The following BSN variants were observed in gnomAD, a reference collection of about 807,000 sequenced individuals.
The protein encoded by BSN is bassoon presynaptic cytomatrix protein.
A neutral mutation model predicts 264.8 loss-of-function variants in BSN; 57 were observed. The observed-to-expected ratio is 0.22, with a 90% confidence interval of 0.17 to 0.27. The LOEUF (loss-of-function observed/expected upper bound fraction) is 0.27. BSN is among the 10% of genes least tolerant of loss of function. The pLI is 1.00. For synonymous variants in BSN, 2,059 were observed against 2,137.3 expected (o/e 0.96, Z 1.01); for missense variants, 4,615 against 5,232.5 (o/e 0.88, Z 3.64).
In BSN at chr3:49,654,408, G is replaced by A. The variant is rs565756164; in HGVS notation, c.4852G>A (p.Val1618Met). The A allele has an allele frequency of 5.6e-6, 9 of 1,600,684 alleles. No homozygotes were observed. The highest frequency in any genetic ancestry group is 1.7e-4 in the Middle Eastern group (1 of 5,958). The change falls in exon 5 of 12, where the codon GTG becomes ATG. Residue 1618 changes from valine to methionine, a missense_variant. Coordinates refer to ENST00000296452, the MANE Select transcript of BSN (RefSeq NM_003458.4). This position sits in a 1 kb window ranked among gnomAD's most constrained non-coding sequence, Gnocchi z 4.1. ...EPPGPPGFPRVPSAGADGPLA... is the reference protein window; with the variant it reads ...EPPGPPGFPRMPSAGADGPLA... ...ACCTGGGCCACCTGGCTTTCCACGG[G>A]TGCCCAGTGCTGGTGCAGATGGGCC...
chr3:49,600,654 ATT>A (rs2052066824), intron 1 of BSN, among the ~76,000 whole-genome samples: 1 of 77,276 alleles, frequency 1.3e-5, no homozygotes. Context: ...AATAAAAAAA[ATT>A]AGTCGGTTGT....
downstream of BSN, among the ~76,000 whole-genome samples, chr3:49,672,679 C>T (rs1162744394): frequency 6.6e-6 from 1 of 151,130 alleles, no homozygotes; most frequent in African/African-American, 2.4e-5. Context: ...CAGGGTTTCT[C>T]CATGTTGGCC....
intron 1 of BSN, among the ~76,000 whole-genome samples, chr3:49,612,857 G>C (rs1315204402): frequency 6.6e-6 from 1 of 152,226 alleles, no homozygotes; most frequent in Admixed American, 6.5e-5. Flanking sequence ...CAGGGGCCAG[G>C]CATGGTGGCT....
Position 49,652,752 on chromosome 3 carries a change from C to G in BSN, c.3196C>G (p.Arg1066Gly). 6.4e-7 allele frequency: 1 copy of G among 1,555,794 alleles called. No homozygotes were observed. The highest frequency in any genetic ancestry group is 8.7e-7 in the Non-Finnish European group (1 of 1,151,646). The change falls in exon 5 of 12, where the codon CGC (arginine) becomes GGC (glycine). Residue 1066 changes from arginine to glycine, a missense_variant. Around this residue, in one of 3 missense-constraint regions of BSN, gnomAD observed 3,415 missense variants for 3,866.4 expected, o/e 0.88. Coordinates refer to ENST00000296452, the MANE Select transcript of BSN (RefSeq NM_003458.4). Reference sequence around the variant, plus strand: ...GAAGATGCGGGAGGTGGAGCAGCAGCGCATCCGCAGCACGGCCCGCAAGAC... The same window carrying G: ...GAAGATGCGGGAGGTGGAGCAGCAGGGCATCCGCAGCACGGCCCGCAAGAC... The part of the protein sequence containing the change: ...QEKMREVEQQ[R>G]IRSTARKTRR...
Position 49,653,186 on chromosome 3 carries a change from A to G in BSN, c.3630A>G (p.Gly1210=), listed in dbSNP as rs1477957162. 2.5e-6 allele frequency: 4 copies of G among 1,610,620 alleles called. No individual in the cohort carries two copies. The East Asian group carries it at 6.7e-5, about 27-fold the overall frequency. Residue 1210 remains glycine, a synonymous_variant, in exon 5 of 12, where the codon GGA becomes GGG. Transcript: ENST00000296452. The surrounding 1 kb of genome is among the most constrained non-coding windows in gnomAD (Gnocchi z 6.3). The part of the protein sequence containing the change: ...RQQGQAAGAR[G]PHGGPSQPTG... ...AAGGCCAGGCAGCAGGGGCCCGGGGACCCCATGGCGGCCCCTCTCAGCCCA... is the reference window on the plus strand; with the variant it reads ...AAGGCCAGGCAGCAGGGGCCCGGGGGCCCCATGGCGGCCCCTCTCAGCCCA...
Position 49,642,455 on chromosome 3 carries a change from C to T in BSN, c.821C>T (p.Pro274Leu). Residue 274 changes from proline to leucine, a missense_variant, in exon 3 of 12, where the codon CCT becomes CTT. Pro to Leu is a moderately conservative substitution (Grantham distance 98). Around this residue, in one of 3 missense-constraint regions of BSN, gnomAD observed 1,197 missense variants for 1,348.0 expected, o/e 0.89. Coordinates refer to ENST00000296452, the MANE Select transcript of BSN (RefSeq NM_003458.4). The surrounding 1 kb of genome is among the most constrained non-coding windows in gnomAD (Gnocchi z 7.0). ...ERSRGPGGPQPGSRQAETARA... is the reference protein window; with the variant it reads ...ERSRGPGGPQLGSRQAETARA... ...TCTCGGGGCCCAGGAGGACCACAGC[C>T]TGGGTCCCGCCAGGCTGAGACAGCC... The T allele has an allele frequency of 6.3e-7, 1 of 1,590,728 alleles. No individual in the cohort carries two copies. The highest frequency in any genetic ancestry group is 2.3e-5 in the East Asian group (1 of 44,224).
chr3:49,563,174 C>G (rs933604226), intron 1 of BSN, among the ~76,000 whole-genome samples: 1 of 152,184 alleles, frequency 6.6e-6, no homozygotes, highest in Admixed American at 6.5e-5. Flanking sequence ...TCAGAATGGA[C>G]AAGATGACTG....
Position 49,554,510 on chromosome 3 carries a change from G to A in BSN, c.-93G>A. The stretch of plus-strand genomic sequence containing the variant: ...GCGCGAGCCGAGCTGGGAGATGGCG[G>A]CGGCAGCGGCGGCGCCGAGAGTGTG... On this transcript the variant is annotated 5_prime_UTR_variant, in exon 1 of 12. Transcript: ENST00000296452. 2 of 343,274 alleles carry A rather than the reference G, an allele frequency of 5.8e-6. No individual in the cohort carries two copies. Among genetic ancestry groups the A allele is most frequent in the Non-Finnish European group, 8.2e-6 (2 of 243,346 alleles). 21.3% of individuals were successfully genotyped at this position (343,274 alleles called of 1,614,324 possible).
intron 2 of BSN, among the ~76,000 whole-genome samples, chr3:49,629,073 G>A (rs2108061134): frequency 6.6e-6 from 1 of 152,278 alleles, no homozygotes; most frequent in East Asian, 1.9e-4. Context: ...TGATGCCAGG[G>A]GGCCAGAGGT....
chr3:49,642,456 T>G lies in BSN; in HGVS notation c.822T>G (p.Pro274=). 2 of 1,590,612 alleles carry G rather than the reference T, an allele frequency of 1.3e-6. No individual in the cohort carries two copies. Among genetic ancestry groups the G allele is most frequent in the Non-Finnish European group, 1.7e-6 (2 of 1,169,714 alleles). Residue 274 remains proline (P), a synonymous_variant, in exon 3 of 12, where the codon CCT becomes CCG. Transcript: ENST00000296452. This position sits in a 1 kb window ranked among gnomAD's most constrained non-coding sequence, Gnocchi z 7.0. ...CTCGGGGCCCAGGAGGACCACAGCC[T>G]GGGTCCCGCCAGGCTGAGACAGCCA... is the stretch of plus-strand genomic sequence containing the variant. ...ERSRGPGGPQ[P]GSRQAETARA...
chr3:49,611,717 G>A (rs2052207899), intron 1 of BSN, among the ~76,000 whole-genome samples: 1 of 152,344 alleles, frequency 6.6e-6, no homozygotes, highest in African/African-American at 2.4e-5. Flanking sequence ...CTGTAGACTG[G>A]AAAGGCCAGG....
intron 1 of BSN, among the ~76,000 whole-genome samples, chr3:49,561,085 T>C (rs2051708011): frequency 6.6e-6 from 1 of 152,174 alleles, no homozygotes; most frequent in East Asian, 1.9e-4. Flanking sequence ...CCCTACTTCT[T>C]TCTAACAAGA....
At position 49,650,980 on chromosome 3, in the gene BSN, C is replaced by T. The variant is rs1374159111; in HGVS notation, c.1887C>T (p.Thr629=). 1.9e-6 allele frequency: 3 copies of T among 1,614,168 alleles called. No individual in the cohort carries two copies. The highest frequency in any genetic ancestry group is 1.7e-6 in the Non-Finnish European group (2 of 1,180,030). ...AGCCACCTCCAGAGACTACCCCAAC[C>T]CCTGCGACTCCTAAAGTAAAGAGTG... ...MPKPPPETTP[T]PATPKVKSGV... Residue 629 remains threonine (T), a synonymous_variant, in exon 4 of 12, where the codon ACC becomes ACT. Transcript: ENST00000296452.
At chr3:49,630,355 C>T (rs563234831) in intron 2 of BSN, among the ~76,000 whole-genome samples, 1 of 152,314 alleles carries the variant, frequency 6.6e-6, no homozygotes, top group East Asian at 1.9e-4. Flanking sequence ...CTTCAGGAGG[C>T]CTTTCTCCCA....
At chr3:49,659,124 AG>A (rs2052633538) in intron 5 of BSN, among the ~76,000 whole-genome samples, 1 of 152,190 alleles carries the variant, frequency 6.6e-6, no homozygotes, top group Non-Finnish European at 1.5e-5. Context: ...GCCCATTTTC[AG>A]GGTGTGACAC....
intron 1 of BSN, among the ~76,000 whole-genome samples, chr3:49,582,619 T>A (rs542428639): frequency 6.6e-6 from 1 of 152,350 alleles, no homozygotes; most frequent in Non-Finnish European, 1.5e-5. Flanking sequence ...CCAATTTGGA[T>A]GTCCTTTATT....
chr3:49,662,281 C>T lies in BSN; in HGVS notation c.10436C>T (p.Ala3479Val), dbSNP rs201323732. ...GAGGCTGTGGAGCGACTTCAAAAAG[C>T]GGGCCCCAAGCCCTCATCCCTAAGT... is the stretch of plus-strand genomic sequence containing the variant. ...EREAVERLQKAGPKPSSLSMA... is the reference protein window; with the variant it reads ...EREAVERLQKVGPKPSSLSMA... The change falls in exon 6 of 12, where the codon GCG becomes GTG. Residue 3479 changes from alanine to valine, a missense_variant. Physicochemically the swap from Ala to Val is moderately conservative, Grantham distance 64. Coordinates refer to ENST00000296452, the MANE Select transcript of BSN (RefSeq NM_003458.4). The T allele has an allele frequency of 5.0e-5, 80 of 1,613,794 alleles. No homozygotes were observed. Among genetic ancestry groups the T allele is most frequent in the South Asian group, 2.4e-4 (22 of 91,086 alleles).
Position 49,654,073 on chromosome 3 carries a change from C to T in BSN, c.4517C>T (p.Thr1506Ile). Reference protein sequence around the residue: ...MGPRATAEFSTQTPSPAPASD... With the variant: ...MGPRATAEFSIQTPSPAPASD... ...CCAAGGGCCACAGCAGAGTTCTCTA[C>T]ACAGACGCCAAGTCCAGCCCCTGCC... is the stretch of plus-strand genomic sequence containing the variant. The change falls in exon 5 of 12, where the codon ACA becomes ATA. Residue 1506 changes from threonine (T) to isoleucine (I), a missense_variant. Physicochemically the swap from Thr to Ile is moderately conservative, Grantham distance 89. Transcript: ENST00000296452. The surrounding 1 kb of genome is among the most constrained non-coding windows in gnomAD (Gnocchi z 4.1). 6.2e-7 allele frequency: 1 copy of T among 1,613,920 alleles called. No individual in the cohort carries two copies. The highest frequency in any genetic ancestry group is 8.5e-7 in the Non-Finnish European group (1 of 1,179,978).
rs2052593858 is a variant in BSN, at chr3:49,655,854, C to T, written c.6298C>T (p.Arg2100Cys). The T allele has an allele frequency of 2.5e-6, 4 of 1,613,260 alleles. No homozygotes were observed. In the East Asian group the frequency reaches 6.7e-5, roughly 27 times the overall value. The part of the protein sequence containing the change: ...YSATTAREIS[R>C]MCAALNSMDQ... ...TGCCACCACAGCCCGTGAAATCAGT[C>T]GCATGTGCGCTGCCCTCAACTCCAT... The change falls in exon 5 of 12, where the codon CGC becomes TGC. Residue 2100 changes from arginine to cysteine, a missense_variant. By Grantham distance (180) the Arg-to-Cys change is radical. Around this residue, in one of 3 missense-constraint regions of BSN, gnomAD observed 3,415 missense variants for 3,866.4 expected, o/e 0.88. Coordinates refer to ENST00000296452, the MANE Select transcript of BSN (RefSeq NM_003458.4).
Sources: gnomAD v4.1 joint callset for allele counts (sites outside exome capture counted in the v4.1 genomes callset) on GRCh38, gnomAD v4.1.1 for gene constraint, gnomAD v4.1.1 regional missense constraint, Gnocchi (gnomAD v3.1) non-coding constraint, MANE v1.5 for transcripts, NCBI Gene and HGNC (gene_info 2026-07-23, HGNC 2026-07-21) for gene names.